Variants in C4orf51 observed in about 807,000 individuals in gnomAD.
The protein encoded by C4orf51 is chromosome 4 open reading frame 51, also known as uncharacterized protein C4orf51.
A neutral mutation model predicts 25.2 loss-of-function variants in C4orf51; 25 were observed. The observed-to-expected ratio is 0.99, with a 90% CI of 0.72 to 1.39. C4orf51 has a LOEUF of 1.39. C4orf51 is among the 40% of genes most tolerant of loss of function. The pLI is 0.00. For synonymous variants in C4orf51, 100 were observed against 84.5 expected (o/e 1.18, Z -1.01); for missense variants, 252 against 239.6 (o/e 1.05, Z -0.34).
Position 145,765,843 on chromosome 4 carries a change from G to T in C4orf51, n.167-5145G>T, listed in dbSNP as rs1046239157. ...GTCTCATGGATGCATCATCATTCTG[G>T]GGGCACAGGCTCATGTCCCCAGCTC... On this transcript the variant is annotated intron_variant and non_coding_transcript_variant, in intron 1 of 1. Coordinates refer to the C4orf51 transcript ENST00000510096. The surrounding 1 kb of genome is among the most constrained non-coding windows in gnomAD (Gnocchi z 4.7). 9.2e-6 allele frequency: 11 copies of T among 1,197,460 alleles called. No individual in the cohort carries two copies. Among genetic ancestry groups the T allele is most frequent in the Non-Finnish European group, 1.3e-5 (11 of 864,128 alleles). 74.2% of individuals were successfully genotyped at this position (1,197,460 alleles called of 1,614,324 possible).
At chr4:145,737,194 A>C (rs1473001689), downstream of C4orf51, among the ~76,000 whole-genome samples, 1 of 152,206 alleles carries the variant, frequency 6.6e-6, no homozygotes, top group Non-Finnish European at 1.5e-5. Flanking sequence ...CAGCCAGTGT[A>C]CATGGCAAGA....
chr4:145,697,457 G>T lies in C4orf51; in HGVS notation c.307+825G>T, dbSNP rs571082915. ...CCATAGTTACCATACTGTACATAAG[G>T]TCTCCATACATATTCATCTTATAAC... On this transcript the variant is annotated intron_variant, in intron 2 of 5. Coordinates refer to ENST00000438731, the MANE Select transcript of C4orf51 (RefSeq NM_001080531.3). Among the ~76,000 whole-genome samples, 6 of 152,180 alleles carry T rather than the reference G, an allele frequency of 3.9e-5. No individual in the cohort carries two copies. The South Asian group carries it at 8.3e-4, about 21-fold the overall frequency.
At chr4:145,720,975 C>G (rs1206943688) in intron 2 of C4orf51, among the ~76,000 whole-genome samples, 1 of 152,206 alleles carries the variant, frequency 6.6e-6, no homozygotes, top group Non-Finnish European at 1.5e-5. Context: ...GACCTTTTAA[C>G]TTCATGACTT....
downstream of C4orf51, among the ~76,000 whole-genome samples, chr4:145,733,727 T>TCTGGTCTGATTC (rs1560856729): frequency 6.6e-6 from 1 of 152,182 alleles, no homozygotes; most frequent in Non-Finnish European, 1.5e-5. Context: ...CCGGGAGCCA[T>TCTGGTCTGATTC]CTGGTCTGAT....
chr4:145,764,483 G>A, intron 1 of C4orf51, among the ~76,000 whole-genome samples: 1 of 152,182 alleles, frequency 6.6e-6, no homozygotes, highest in Non-Finnish European at 1.5e-5. Flanking sequence ...ATGTTTGCAG[G>A]AGGATCATGA....
rs192380253 is a variant in C4orf51, at chr4:145,769,179, T to C, written n.167-1809T>C. Among the ~76,000 whole-genome samples, 107 of 152,020 alleles carry C rather than the reference T, an allele frequency of 7.0e-4. 2 individuals are homozygous for C. The highest frequency in any genetic ancestry group is 2.5e-3 in the African/African-American group (102 of 41,474). On this transcript the variant is annotated intron_variant and non_coding_transcript_variant, in intron 1 of 1. Coordinates refer to the C4orf51 transcript ENST00000510096. ...ACAATTTTAAAAATCTTGCTCCTATTAGAACTGCAAGTATGTGACCTCAGT... is the reference window on the plus strand; with the variant it reads ...ACAATTTTAAAAATCTTGCTCCTATCAGAACTGCAAGTATGTGACCTCAGT...
intron 2 of C4orf51, among the ~76,000 whole-genome samples, chr4:145,697,935 A>C (rs7692437): frequency 0.45 from 67,887 of 152,030 alleles, 15,613 homozygotes; most frequent in African/African-American, 0.55. Flanking sequence ...CTCCCAATTA[A>C]CATTCCCATC....
At chr4:145,749,699 A>G (rs559497040) in intron 1 of C4orf51, among the ~76,000 whole-genome samples, 235 of 151,912 alleles carry the variant, frequency 1.5e-3, no homozygotes, top group African/African-American at 5.4e-3. Context: ...CAGTGGTGCA[A>G]TCTCGCTCAC....
intron 2 of C4orf51, among the ~76,000 whole-genome samples, chr4:145,719,061 CCT>C (rs1251258272): frequency 2.6e-4 from 39 of 152,186 alleles, no homozygotes; most frequent in Non-Finnish European, 2.9e-5. Flanking sequence ...ATCTCTTTCT[CCT>C]ACTAGAACAT....
chr4:145,693,056 A>G (rs1249415206), intron 1 of C4orf51, among the ~76,000 whole-genome samples: 18 of 111,236 alleles, frequency 1.6e-4, no homozygotes, highest in Non-Finnish European at 2.4e-4. Flanking sequence ...TTTTTTATTG[A>G]TAATTCTTGG....
At chr4:145,695,937 C>T (rs1408485297) in intron 1 of C4orf51, among the ~76,000 whole-genome samples, 3 of 152,188 alleles carry the variant, frequency 2.0e-5, no homozygotes, top group East Asian at 1.9e-4. Flanking sequence ...TGCATGTTCT[C>T]ATTTATACGT....
chr4:145,729,150 C>A lies in C4orf51; in HGVS notation c.367-19C>A. ...TTATGAAAGTGGTTGGTATTTATTT[C>A]TATCTCTCCTTTTTATAGGCACATC... On this transcript the variant is annotated intron_variant, in intron 3 of 5. Coordinates refer to ENST00000438731, the MANE Select transcript of C4orf51 (RefSeq NM_001080531.3). The A allele has an allele frequency of 1.9e-6, 3 of 1,538,910 alleles. No homozygotes were observed. The highest frequency in any genetic ancestry group is 2.7e-6 in the Non-Finnish European group (3 of 1,115,454).
downstream of C4orf51, chr4:145,759,197 T>C (rs996444970): frequency 6.6e-6 from 1 of 152,240 alleles, no homozygotes; most frequent in Non-Finnish European, 1.5e-5. Flanking sequence ...AGAACATTTC[T>C]TCCTGCTCTT....
chr4:145,729,291 C>T, intron 4 of C4orf51, 62 bp downstream of exon 4: 2 of 475,258 alleles, frequency 4.2e-6, no homozygotes, highest in South Asian at 2.6e-5. Flanking sequence ...TAATCGTGGT[C>T]ATGTGATTTT....
downstream of C4orf51, among the ~76,000 whole-genome samples, chr4:145,771,747 A>T (rs1334535400): frequency 6.6e-6 from 1 of 152,230 alleles, no homozygotes; most frequent in Non-Finnish European, 1.5e-5. Flanking sequence ...TGGGTTCTGT[A>T]GGAGACTAAA....
the C4orf51 span, among the ~76,000 whole-genome samples, chr4:145,788,233 T>G: frequency 5.3e-5 from 8 of 152,238 alleles, no homozygotes; most frequent in African/African-American, 1.9e-4. Flanking sequence ...TAAAGAACTG[T>G]GTTTCTATAT....
At chr4:145,703,693 A>C (rs547856909) in intron 2 of C4orf51, among the ~76,000 whole-genome samples, 1 of 152,322 alleles carries the variant, frequency 6.6e-6, no homozygotes, top group South Asian at 2.1e-4. Context: ...CAATGTCAGA[A>C]AGCTTTCTCC....
At chr4:145,771,755 A>G (rs1168996605), downstream of C4orf51, among the ~76,000 whole-genome samples, 2 of 152,238 alleles carry the variant, frequency 1.3e-5, no homozygotes, top group Non-Finnish European at 2.9e-5. Context: ...GTAGGAGACT[A>G]AACAAAATGC....
intron 1 of C4orf51, among the ~76,000 whole-genome samples, chr4:145,742,542 T>G (rs1243767519): frequency 1.1e-5 from 1 of 91,850 alleles, no homozygotes; most frequent in Non-Finnish European, 2.2e-5. Flanking sequence ...GTTTTTTTTT[T>G]TTTTTTTTTT....
Sources: gnomAD v4.1 joint callset for allele counts (sites outside exome capture counted in the v4.1 genomes callset) on GRCh38, gnomAD v4.1.1 for gene constraint, Gnocchi (gnomAD v3.1) non-coding constraint, MANE v1.5 for transcripts, NCBI Gene and HGNC (gene_info 2026-07-23, HGNC 2026-07-21) for gene names.